The following ITFG1 variants were observed in gnomAD, a reference collection of about 807,000 sequenced individuals.
The protein encoded by ITFG1 is integrin alpha FG-GAP repeat containing 1, also known as T-cell immunomodulatory protein.
A neutral mutation model predicts 81.8 loss-of-function variants in ITFG1; 34 were observed. The ratio of observed to expected loss-of-function variants is 0.42; its 90% CI spans 0.32 to 0.55. ITFG1 has a LOEUF of 0.55. ITFG1 is among the 20% of genes least tolerant of loss of function. The pLI is 0.17. For missense variants in ITFG1, 672 were observed against 755.4 expected (o/e 0.89, Z 1.29); for synonymous variants, 285 against 270.6 (o/e 1.05, Z -0.52).
intron 6 of ITFG1, among the ~76,000 whole-genome samples, chr16:47,414,139 G>T (rs1382780008): frequency 4.0e-5 from 6 of 151,798 alleles, no homozygotes; most frequent in Admixed American, 2.0e-4. Flanking sequence ...CTTATAAAAA[G>T]GTTTAACAGA....
intron 13 of ITFG1, among the ~76,000 whole-genome samples, chr16:47,225,869 G>C: frequency 6.6e-6 from 1 of 151,890 alleles, no homozygotes; most frequent in East Asian, 1.9e-4. Context: ...TACTGTTAAA[G>C]GTAACTCTAA....
chr16:47,423,426 A>G (rs1322918849), intron 6 of ITFG1, among the ~76,000 whole-genome samples: 4 of 152,056 alleles, frequency 2.6e-5, no homozygotes, highest in Non-Finnish European at 5.9e-5. Flanking sequence ...CATTTAGCCC[A>G]TTTACATTTA....
intron 10 of ITFG1, among the ~76,000 whole-genome samples, chr16:47,280,752 C>G (rs531030610): frequency 6.6e-6 from 1 of 152,260 alleles, no homozygotes; most frequent in South Asian, 2.1e-4. Flanking sequence ...GTCTCACCCC[C>G]TAATCGTCCC....
chr16:47,351,919 T>C (rs1967963438), intron 8 of ITFG1, among the ~76,000 whole-genome samples: 3 of 151,956 alleles, frequency 2.0e-5, no homozygotes, highest in Non-Finnish European at 4.4e-5. Context: ...CATCTACAAC[T>C]ATCTGATATT....
intron 10 of ITFG1, among the ~76,000 whole-genome samples, chr16:47,276,597 G>C (rs909437268): frequency 6.6e-6 from 1 of 152,096 alleles, no homozygotes; most frequent in African/African-American, 2.4e-5. Context: ...TACATGGGAA[G>C]GTATTTCCCT....
intron 6 of ITFG1, 70 bp from the exon 7 acceptor site, chr16:47,376,010 A>G (rs1280087076): frequency 1.2e-6 from 1 of 808,884 alleles, no homozygotes; most frequent in African/African-American, 1.7e-5. Context: ...AAACAGAAAA[A>G]AAATGCAATA....
At chr16:47,369,877 T>C (rs1596936497) in intron 7 of ITFG1, among the ~76,000 whole-genome samples, 2 of 148,052 alleles carry the variant, frequency 1.4e-5, no homozygotes, top group East Asian at 3.9e-4. Flanking sequence ...TCTTGCTGTG[T>C]TGTGCAGGCT....
chr16:47,307,093 CAAAAAAAAAA>C (rs371103697), intron 10 of ITFG1, among the ~76,000 whole-genome samples: 7 of 16,472 alleles, frequency 4.2e-4, no homozygotes, highest in African/African-American at 2.0e-3. Context: ...AACTCCGTCT[CAAAAAAAAAA>C]AAAAAAAAAA....
At chr16:47,442,428 A>G (rs1969264781) in intron 5 of ITFG1, among the ~76,000 whole-genome samples, 1 of 152,178 alleles carries the variant, frequency 6.6e-6, no homozygotes, top group African/African-American at 2.4e-5. Context: ...ACCAAAAAAG[A>G]GCCCGCATTG....
At chr16:47,211,228 G>A (rs1965557426) in intron 14 of ITFG1, among the ~76,000 whole-genome samples, 1 of 152,104 alleles carries the variant, frequency 6.6e-6, no homozygotes, top group African/African-American at 2.4e-5. Context: ...CAACATATAA[G>A]TCCTCTATAT....
chr16:47,453,208 G>T (rs559155418), intron 3 of ITFG1, among the ~76,000 whole-genome samples: 2 of 152,278 alleles, frequency 1.3e-5, no homozygotes, highest in African/African-American at 4.8e-5. Context: ...AATATTTATT[G>T]ACTTAATGAA....
chr16:47,411,481 G>A (rs1335928457), intron 6 of ITFG1, among the ~76,000 whole-genome samples: 1 of 152,064 alleles, frequency 6.6e-6, no homozygotes, highest in East Asian at 1.9e-4. Flanking sequence ...TTGGGCTGTG[G>A]GCGCCATACC....
chr16:47,452,084 G>A (rs1001411879), intron 4 of ITFG1, among the ~76,000 whole-genome samples: 8 of 152,252 alleles, frequency 5.3e-5, no homozygotes, highest in Middle Eastern at 3.4e-3. Flanking sequence ...GCGGGGCACC[G>A]TTAAGAAGAT....
intron 8 of ITFG1, among the ~76,000 whole-genome samples, chr16:47,362,861 C>T (rs188534082): frequency 1.8e-3 from 274 of 151,948 alleles, no homozygotes; most frequent in Middle Eastern, 0.017. Context: ...TTCTGTCTTC[C>T]CAACTGGACT....
intron 5 of ITFG1, among the ~76,000 whole-genome samples, chr16:47,443,836 A>G (rs1315012259): frequency 6.6e-6 from 1 of 152,216 alleles, no homozygotes; most frequent in Non-Finnish European, 1.5e-5. Flanking sequence ...AACATGGCAC[A>G]TGTATACATA....
chr16:47,204,198 G>A (rs1339530661), intron 14 of ITFG1, among the ~76,000 whole-genome samples: 3 of 152,030 alleles, frequency 2.0e-5, no homozygotes, highest in African/African-American at 7.3e-5. Flanking sequence ...ATCTTTCCAT[G>A]GCATCTGACA....
chr16:47,264,766 G>A (rs1208234033), intron 10 of ITFG1, among the ~76,000 whole-genome samples: 3 of 152,008 alleles, frequency 2.0e-5, no homozygotes, highest in African/African-American at 7.2e-5. Context: ...TATCTTGCCG[G>A]TATTAGTAAC....
chr16:47,230,852 C>T (rs780452122), intron 13 of ITFG1, among the ~76,000 whole-genome samples: 20 of 152,300 alleles, frequency 1.3e-4, no homozygotes, highest in Non-Finnish European at 2.2e-4. Context: ...GGGTTCACGC[C>T]ATTCTCCTGC....
At chr16:47,350,484 G>T (rs1967935063) in intron 8 of ITFG1, among the ~76,000 whole-genome samples, 1 of 152,060 alleles carries the variant, frequency 6.6e-6, no homozygotes, top group Non-Finnish European at 1.5e-5. Context: ...TAAATTCCTT[G>T]ACACATACGT....
Sources: allele counts gnomAD v4.1 joint callset (sites outside exome capture counted in the v4.1 genomes callset), GRCh38; gene constraint gnomAD v4.1.1; transcripts MANE v1.5; gene names NCBI Gene and HGNC (gene_info 2026-07-23, HGNC 2026-07-21).